Variants in MGAM2 observed in about 807,000 individuals in gnomAD.
MGAM2 encodes the protein probable maltase-glucoamylase 2.
In MGAM2, 98 loss-of-function variants were observed where a neutral mutation model predicts 96.1. The observed-to-expected ratio is 1.02, with a 90% CI of 0.87 to 1.21. MGAM2 has a LOEUF of 1.21. MGAM2 is among the 50% of genes most tolerant of loss of function. MGAM2 has a pLI of 0.00. For synonymous variants in MGAM2, 749 were observed against 414.8 expected (o/e 1.81, Z -9.79); for missense variants, 2,055 against 1,182.4 (o/e 1.74, Z -10.82).
chr7:142,185,164 C>T (rs952545436), intron 34 of MGAM2, 25 bp downstream of exon 34: 17 of 700,868 alleles, frequency 2.4e-5, no homozygotes, highest in Middle Eastern at 2.3e-4. Context: ...AGATTTTTGT[C>T]AACATTGCCC....
intron 3 of MGAM2, among the ~76,000 whole-genome samples, chr7:142,122,127 C>T (rs1209470157): frequency 6.6e-6 from 1 of 152,120 alleles, no homozygotes; most frequent in African/African-American, 2.4e-5. Context: ...CAATAATACT[C>T]ATTACCTCCC....
intron 6 of MGAM2, among the ~76,000 whole-genome samples, chr7:142,133,166 A>C (rs1160662728): frequency 7.1e-6 from 1 of 140,494 alleles, no homozygotes; most frequent in African/African-American, 2.6e-5. Flanking sequence ...TAATATAAAT[A>C]TTTAATACAT....
intron 37 of MGAM2, among the ~76,000 whole-genome samples, chr7:142,195,419 G>T (rs1271293174): frequency 7.7e-6 from 1 of 129,098 alleles, no homozygotes. Context: ...GCAGTGGCAC[G>T]ATCTCAGCTC....
chr7:142,185,982 C>G lies in MGAM2; in HGVS notation c.3988-7C>G. 1 of 702,974 alleles carries G rather than the reference C, an allele frequency of 1.4e-6. No homozygotes were observed. Among genetic ancestry groups the G allele is most frequent in the South Asian group, 1.5e-5 (1 of 67,558 alleles). 43.5% of individuals were successfully genotyped at this position (702,974 alleles called of 1,614,324 possible). ...CCCGACAATGAGAGTGTGTGTTATT[C>G]TTACAGCTTTACAGGGCCTACGTTG... On this transcript the variant is annotated splice_polypyrimidine_tract_variant and splice_region_variant and intron_variant, in intron 34 of 47. Transcript: ENST00000477922.
chr7:142,196,060 C>T (rs1280975023), intron 37 of MGAM2, 94 bp from the exon 38 acceptor site: 9 of 698,378 alleles, frequency 1.3e-5, no homozygotes, highest in Non-Finnish European at 2.1e-5. Context: ...TGACTCGGAC[C>T]GAAGTACCCT....
chr7:142,150,150 A>T (rs1795529257), intron 15 of MGAM2, among the ~76,000 whole-genome samples: 1 of 151,868 alleles, frequency 6.6e-6, no homozygotes, highest in African/African-American at 2.4e-5. Flanking sequence ...CATGTTGGTC[A>T]GGCTAGTCTC....
intron 10 of MGAM2, among the ~76,000 whole-genome samples, chr7:142,139,327 T>C (rs752437835): frequency 4.6e-5 from 7 of 152,142 alleles, no homozygotes; most frequent in Non-Finnish European, 7.4e-5. Flanking sequence ...AAACAACTTA[T>C]TGGGGGTAGC....
Position 142,183,223 on chromosome 7 carries a change from G to C in MGAM2, c.3817-43G>C, listed in dbSNP as rs748426031. ...ATTTTTGGAGAGAAATTTTCTTAGA[G>C]ATGTTTTCCTCACATTTGCTGTTTG... On this transcript the variant is annotated intron_variant, in intron 32 of 47. Coordinates refer to ENST00000477922, the MANE Select transcript of MGAM2 (RefSeq NM_001293626.2). 3.1e-5 allele frequency: 21 copies of C among 680,280 alleles called. No homozygotes were observed. The African/African-American group carries it at 3.5e-4, about 11-fold the overall frequency. The allele number at this position is 680,280 out of a possible 1,614,324, so 42.1% of individuals were successfully genotyped here.
chr7:142,120,520 G>A, intron 3 of MGAM2, 139 bp downstream of exon 3: 1 of 549,402 alleles, frequency 1.8e-6, no homozygotes, highest in South Asian at 2.5e-5. Context: ...TTATCTTATT[G>A]AAATAACAAT....
At chr7:142,116,770 G>T in intron 1 of MGAM2, 104 bp from the exon 2 acceptor site, 1 of 670,662 alleles carries the variant, frequency 1.5e-6, no homozygotes, top group South Asian at 1.6e-5. Flanking sequence ...GATAATCAAG[G>T]TCATCTTGCA....
chr7:142,160,192 T>C lies in MGAM2; in HGVS notation c.2279T>C (p.Ile760Thr). 1 of 702,770 alleles carries C rather than the reference T, an allele frequency of 1.4e-6. No homozygotes were observed. Among genetic ancestry groups the C allele is most frequent in the South Asian group, 1.5e-5 (1 of 67,550 alleles). The allele number at this position is 702,770 out of a possible 1,614,324, so 43.5% of individuals were successfully genotyped here. ...LVNMLLPGDK[I>T]GLHLRGGYIF... The stretch of plus-strand genomic sequence containing the variant: ...AATATGCTTCTCCCAGGTGACAAGA[T>C]AGGACTTCATCTGCGAGGGGGCTAC... The change falls in exon 21 of 48, where the codon ATA becomes ACA. Residue 760 changes from isoleucine (I) to threonine (T), a missense_variant. Physicochemically the swap from Ile to Thr is moderately conservative, Grantham distance 89 (BLOSUM62 -1). Transcript: ENST00000477922.
chr7:142,149,746 T>TTA (rs1795506738), intron 15 of MGAM2, among the ~76,000 whole-genome samples: 1 of 151,856 alleles, frequency 6.6e-6, no homozygotes, highest in Non-Finnish European at 1.5e-5. Flanking sequence ...TTTCACAGCG[T>TTA]TAGCCAGGAT....
chr7:142,169,114 T>A (rs558857276), intron 26 of MGAM2, among the ~76,000 whole-genome samples: 1 of 152,284 alleles, frequency 6.6e-6, no homozygotes, highest in South Asian at 2.1e-4. Context: ...CTAAGAAACA[T>A]AATTTCCAAG....
intron 9 of MGAM2, among the ~76,000 whole-genome samples, chr7:142,138,332 C>T (rs926362807): frequency 1.3e-5 from 2 of 151,488 alleles, no homozygotes; most frequent in African/African-American, 4.8e-5. Flanking sequence ...GACACCATTA[C>T]TGAAACATTT....
rs1222006478 is a variant in MGAM2 at position 142,222,062 on chromosome 7, AC to A, written c.*4del. 1 of 398,126 alleles carries A rather than the reference AC, an allele frequency of 2.5e-6. No individual in the cohort carries two copies. Among genetic ancestry groups the A allele is most frequent in the Non-Finnish European group, 4.4e-6 (1 of 225,768 alleles). 24.7% of individuals were successfully genotyped at this position (398,126 alleles called of 1,614,324 possible). ...TAAATGCTACTCAAGTTCCATGATT[AC>A]TACTCAAGGCAGGATAGTTACCTCA... On this transcript the variant is annotated 3_prime_UTR_variant, in exon 48 of 48. Transcript: ENST00000477922.
In MGAM2 at chr7:142,165,020, A is replaced by G. The variant is rs1795990499; in HGVS notation, c.2649A>G (p.Thr883=). 4 of 699,140 alleles carry G rather than the reference A, an allele frequency of 5.7e-6. No individual in the cohort carries two copies. Among genetic ancestry groups the G allele is most frequent in the Non-Finnish European group, 1.0e-5 (4 of 383,518 alleles). The allele number at this position is 699,140 out of a possible 1,614,324, so 43.3% of individuals were successfully genotyped here. The change falls in exon 24 of 48, where the codon ACA becomes ACG. Residue 883 remains threonine, a synonymous_variant. Coordinates refer to ENST00000477922, the MANE Select transcript of MGAM2 (RefSeq NM_001293626.2). ...CAAGCGTTGTCTACAATGCTTCCAC[A>G]AAGGTAAGAGATCCTTCCATTCTGC... ...SSPSVVYNAS[T]KVVTITDLQG...
At position 142,216,949 on chromosome 7, in the gene MGAM2, A is replaced by T. The variant is rs541307363; in HGVS notation, c.5188-1412A>T. On this transcript the variant is annotated intron_variant, in intron 46 of 47. Coordinates refer to ENST00000477922, the MANE Select transcript of MGAM2 (RefSeq NM_001293626.2). ...CGTCTCTGTTTGCTCAGCACCAGCT[A>T]TGGTTGTCCTTGCACTCCTCCATGA... is the stretch of plus-strand genomic sequence containing the variant. Among the ~76,000 whole-genome samples the T allele has an allele frequency of 3.4e-4, 52 of 152,188 alleles. 1 individual carries two copies. Among genetic ancestry groups the T allele is most frequent in the Non-Finnish European group, 1.3e-4 (9 of 68,028 alleles).
At chr7:142,137,285 C>A in intron 8 of MGAM2, 148 bp from the exon 9 acceptor site, 1 of 432,092 alleles carries the variant, frequency 2.3e-6, no homozygotes, top group Non-Finnish European at 4.1e-6. Flanking sequence ...TAAACTCCAA[C>A]AACGATCCTC....
At chr7:142,169,488 G>A (rs1467398267) in intron 26 of MGAM2, among the ~76,000 whole-genome samples, 1 of 152,022 alleles carries the variant, frequency 6.6e-6, no homozygotes, top group Non-Finnish European at 1.5e-5. Context: ...CTAATAATAT[G>A]ACAAAGAGGA....
Sources: gnomAD v4.1 joint callset for allele counts (sites outside exome capture counted in the v4.1 genomes callset) on GRCh38, gnomAD v4.1.1 for gene constraint, MANE v1.5 for transcripts, NCBI Gene and HGNC (gene_info 2026-07-23, HGNC 2026-07-21) for gene names.